The following ARRB2 variants were observed in gnomAD, a reference collection of about 807,000 sequenced individuals.
The protein encoded by ARRB2 is arrestin beta 2.
Under a neutral mutation model 53.4 loss-of-function variants are expected in ARRB2, and 21 were observed. The ratio of observed to expected loss-of-function variants is 0.39; its 90% CI spans 0.28 to 0.57. The LOEUF is 0.57. ARRB2 is among the 20% of genes least tolerant of loss of function. The pLI, the probability that ARRB2 is intolerant of heterozygous loss-of-function variation, is 0.55. For missense variants in ARRB2, 369 were observed against 527.5 expected (o/e 0.70, Z 2.94); for synonymous variants, 180 against 212.9 (o/e 0.85, Z 1.34).
intron 2 of ARRB2, 183 bp from the exon 3 acceptor site, chr17:4,715,790 A>G: frequency 1.5e-6 from 1 of 647,554 alleles, no homozygotes; most frequent in Non-Finnish European, 2.7e-6. Context: ...CAAAAGCCTA[A>G]AGGTCCACTA....
chr17:4,711,513 G>A (rs1597470245), intron 1 of ARRB2, among the ~76,000 whole-genome samples: 1 of 152,166 alleles, frequency 6.6e-6, no homozygotes. Context: ...GGGAGCAAAA[G>A]ACGAAAAGGT....
At position 4,721,495 on chromosome 17, in the gene ARRB2, G is replaced by A; in HGVS notation, c.*456G>A. 1 of 325,724 alleles carries A rather than the reference G, an allele frequency of 3.1e-6. No individual in the cohort carries two copies. The highest frequency in any genetic ancestry group is 5.5e-6 in the Non-Finnish European group (1 of 180,222). 20.2% of individuals were successfully genotyped at this position (325,724 alleles called of 1,614,324 possible). A position where few individuals can be genotyped will look rare whatever the true frequency, so the allele number is the denominator to read the frequency against. On this transcript the variant is annotated 3_prime_UTR_variant, in exon 15 of 15. Coordinates refer to ENST00000269260, the MANE Select transcript of ARRB2 (RefSeq NM_004313.4). This position sits in a 1 kb window ranked among gnomAD's most constrained non-coding sequence, Gnocchi z 4.2. Reference sequence around the variant, plus strand: ...AAGAAGAAAATAAATCTTTTACTAAGCATGAGTGTGTGTTTTCTCTGTAGT... The same window carrying A: ...AAGAAGAAAATAAATCTTTTACTAAACATGAGTGTGTGTTTTCTCTGTAGT...
chr17:4,711,200 G>A (rs958420596), intron 1 of ARRB2, among the ~76,000 whole-genome samples: 6 of 152,042 alleles, frequency 3.9e-5, no homozygotes, highest in East Asian at 1.9e-4. Context: ...CCCGAGGGCC[G>A]GGTGGCTCCT....
intron 4 of ARRB2, 36 bp downstream of exon 4, chr17:4,716,227 G>T (rs760867671): frequency 2.5e-6 from 4 of 1,613,344 alleles, no homozygotes; most frequent in East Asian, 2.2e-5. Flanking sequence ...CAGGGAAAGT[G>T]GGGGCTAGGG....
chr17:4,713,331 C>T (rs1914620211), intron 1 of ARRB2, among the ~76,000 whole-genome samples: 1 of 151,976 alleles, frequency 6.6e-6, no homozygotes, highest in Non-Finnish European at 1.5e-5. Flanking sequence ...CCCATCTATA[C>T]TAAAAATATA....
chr17:4,714,647 C>A (rs55674106), intron 1 of ARRB2: 3 of 130,400 alleles, frequency 2.3e-5, no homozygotes, highest in African/African-American at 1.0e-4. Flanking sequence ...ATAGGAAGGA[C>A]CTTCCGGGAA....
chr17:4,720,653 T>C lies in ARRB2; in HGVS notation c.1136+13T>C. The C allele has an allele frequency of 1.3e-6, 2 of 1,546,282 alleles. No homozygotes were observed. Among genetic ancestry groups the C allele is most frequent in the Non-Finnish European group, 1.7e-6 (2 of 1,146,584 alleles). The stretch of plus-strand genomic sequence containing the variant: ...AATTTGATACCAAGTAAGAAACTCA[T>C]TCCCCTACTTGACCCTCTTGGGACA... On this transcript the variant is annotated intron_variant, in intron 14 of 14. Transcript: ENST00000269260.
rs1342992828 is a variant in ARRB2 at position 4,715,996 on chromosome 17, G to T, written c.78G>T (p.Arg26=). ...NCKLTVYLGK[R]DFVDHLDKVD... is the part of the protein sequence containing the mutation. ...AGCTCACCGTGTACTTGGGCAAGCG[G>T]GACTTCGTAGATCACCTGGACAAAG... Residue 26 remains arginine, a synonymous_variant, in exon 3 of 15, where the codon CGG becomes CGT. Transcript: ENST00000269260. 6.2e-7 allele frequency: 1 copy of T among 1,614,154 alleles called. No homozygotes were observed. The highest frequency in any genetic ancestry group is 1.1e-5 in the South Asian group (1 of 91,086).
intron 2 of ARRB2, 80 bp downstream of exon 2, chr17:4,715,123 C>A: frequency 6.6e-7 from 1 of 1,507,620 alleles, no homozygotes; most frequent in Non-Finnish European, 9.0e-7. Flanking sequence ...GATCCCCAAC[C>A]TACCCAAAGA....
chr17:4,716,108 G>A (rs760606094), intron 3 of ARRB2, 39 bp from the exon 4 acceptor site: 36 of 1,614,038 alleles, frequency 2.2e-5, no homozygotes, highest in East Asian at 4.5e-5. Flanking sequence ...AGCGGGGAGC[G>A]GCCCTTTCAG....
In ARRB2 at chr17:4,716,406, T is replaced by C. The variant is rs1415078953; in HGVS notation, c.161-6T>C. 3 of 1,614,106 alleles carry C rather than the reference T, an allele frequency of 1.9e-6. No individual in the cohort carries two copies. In the East Asian group the frequency reaches 6.7e-5, roughly 36 times the overall value. ...CCTGACCACTCATCTCACCCTCCCT[T>C]GCCAGTGTTTGTGACCCTCACCTGC... is the stretch of plus-strand genomic sequence containing the variant. On this transcript the variant is annotated splice_polypyrimidine_tract_variant and splice_region_variant and intron_variant, in intron 4 of 14. Transcript: ENST00000269260.
At position 4,719,296 on chromosome 17, in the gene ARRB2, C is replaced by T. The variant is rs1915442170; in HGVS notation, c.793C>T (p.Pro265Ser). 7 of 1,613,082 alleles carry T rather than the reference C, an allele frequency of 4.3e-6. No homozygotes were observed. In the South Asian group the frequency reaches 5.5e-5, roughly 13 times the overall value. Reference sequence around the variant, plus strand: ...CCCCACCCCCAGTGACCAGGTATCTCCCAGCTCCACATTCTGTAAGGTGTA... The same window carrying T: ...CCCCACCCCCAGTGACCAGGTATCTTCCAGCTCCACATTCTGTAAGGTGTA... ...AQLEQDDQVS[P>S]SSTFCKVYTI... The change falls in exon 11 of 15, where the codon CCC becomes TCC. Residue 265 changes from proline to serine, a missense_variant. Transcript: ENST00000269260.
intron 1 of ARRB2, among the ~76,000 whole-genome samples, chr17:4,713,350 C>T (rs556990466): frequency 4.2e-5 from 6 of 141,670 alleles, no homozygotes; most frequent in African/African-American, 1.1e-4. Context: ...TAAAAATTAG[C>T]GGCCGGGCGT....
intron 11 of ARRB2, among the ~76,000 whole-genome samples, chr17:4,719,963 A>T (rs1306942450): frequency 6.6e-6 from 1 of 152,210 alleles, no homozygotes; most frequent in Non-Finnish European, 1.5e-5. Context: ...AGGTGAGGTC[A>T]GGGGCTAATG....
chr17:4,719,172 G>A, intron 10 of ARRB2, 111 bp from the exon 11 acceptor site: 1 of 1,347,204 alleles, frequency 7.4e-7, no homozygotes, highest in Middle Eastern at 1.9e-4. Flanking sequence ...TGTGACCTGT[G>A]CCCAAAGAAA....
rs1360320067 is a variant in ARRB2 at position 4,715,718 on chromosome 17, CACACACAA to C, written c.55-247_55-240del. 4.9e-4 allele frequency: 221 copies of C among 450,550 alleles called. 1 individual carries two copies. Among genetic ancestry groups the C allele is most frequent in the African/African-American group, 4.9e-3 (179 of 36,900 alleles). 27.9% of individuals were successfully genotyped at this position (450,550 alleles called of 1,614,324 possible). On this transcript the variant is annotated intron_variant, in intron 2 of 14. Coordinates refer to ENST00000269260, the MANE Select transcript of ARRB2 (RefSeq NM_004313.4). ...GGACACACACACACACACACACACA[CACACACAA>C]ACACACACACACCGGGCTGGTGGGC...
rs780649479 is a variant in ARRB2, at chr17:4,718,055, G to T, written c.621+32G>T. The T allele has an allele frequency of 3.7e-6, 6 of 1,611,336 alleles. No homozygotes were observed. In the African/African-American group the frequency reaches 6.7e-5, roughly 18 times the overall value. On this transcript the variant is annotated intron_variant, in intron 8 of 14. Coordinates refer to ENST00000269260, the MANE Select transcript of ARRB2 (RefSeq NM_004313.4). ...CGTGAGAGGGTGACACGGATGCCACGGTGCAGTTTAGACCCTGGGGGAGGG... is the reference window on the plus strand; with the variant it reads ...CGTGAGAGGGTGACACGGATGCCACTGTGCAGTTTAGACCCTGGGGGAGGG...
chr17:4,720,216 C>T lies in ARRB2; in HGVS notation c.918C>T (p.Ile306=), dbSNP rs749565343. 2.4e-5 allele frequency: 38 copies of T among 1,611,364 alleles called. No individual in the cohort carries two copies. In the East Asian group the frequency reaches 4.5e-4, roughly 19 times the overall value. ...HEDTNLASST[I]VKEGANKEVL... The stretch of plus-strand genomic sequence containing the variant: ...CTGACTCCAACACCCTCAATTGCAG[C>T]GTGAAGGAGGGTGCCAACAAGGAGG... Residue 306 remains isoleucine (I), a splice_region_variant and synonymous_variant, in exon 12 of 15, where the codon ATC becomes ATT. Transcript: ENST00000269260.
In ARRB2 at chr17:4,717,599, C is replaced by T. The variant is rs1454915328; in HGVS notation, c.418-86C>T. 6 of 1,549,530 alleles carry T rather than the reference C, an allele frequency of 3.9e-6. No homozygotes were observed. Among genetic ancestry groups the T allele is most frequent in the Admixed American group, 1.7e-5 (1 of 59,724 alleles). On this transcript the variant is annotated intron_variant, in intron 6 of 14. Coordinates refer to ENST00000269260, the MANE Select transcript of ARRB2 (RefSeq NM_004313.4). The surrounding 1 kb of genome is among the most constrained non-coding windows in gnomAD (Gnocchi z 6.0). ...ACCACAATGAGGCAAGAGTCCCTGC[C>T]CGAGAGGAGGGAAGGGGGAGGAAGA...
Sources: allele counts gnomAD v4.1 joint callset (sites outside exome capture counted in the v4.1 genomes callset), GRCh38; gene constraint gnomAD v4.1.1; non-coding constraint Gnocchi (gnomAD v3.1); transcripts MANE v1.5; gene names NCBI Gene and HGNC (gene_info 2026-07-23, HGNC 2026-07-21).